The following KCNJ15 variants were observed in gnomAD, a reference collection of about 807,000 sequenced individuals.
The protein encoded by KCNJ15 is ATP-sensitive inward rectifier potassium channel 15.
Under a neutral mutation model 23.0 loss-of-function variants are expected in KCNJ15, and 14 were observed. That is an observed-to-expected ratio of 0.61 (90% CI 0.40 to 0.95). The LOEUF is 0.95. KCNJ15 is among the 40% of genes least tolerant of loss of function. KCNJ15 has a pLI of 0.00. For synonymous variants in KCNJ15, 185 were observed against 183.2 expected (o/e 1.01, Z -0.08); for missense variants, 388 against 461.8 (o/e 0.84, Z 1.46).
chr21:38,291,067 C>T (rs2836292), intron 1 of KCNJ15, among the ~76,000 whole-genome samples: 50,651 of 151,472 alleles, frequency 0.33, 10,984 homozygotes, highest in African/African-American at 0.62. Context: ...AACTGTAGGA[C>T]GTCTCAGAAA....
intron 1 of KCNJ15, among the ~76,000 whole-genome samples, chr21:38,296,137 A>T (rs901213218): frequency 6.6e-6 from 1 of 152,192 alleles, no homozygotes; most frequent in Non-Finnish European, 1.5e-5. Context: ...TAGGTAATAG[A>T]TCAATAATTG....
In KCNJ15 at chr21:38,299,456, C is replaced by G; in HGVS notation, c.195C>G (p.Tyr65Ter). 3 of 1,614,178 alleles carry G rather than the reference C, an allele frequency of 1.9e-6. No individual in the cohort carries two copies. The highest frequency in any genetic ancestry group is 2.5e-6 in the Non-Finnish European group (3 of 1,180,010). ...CAGTTATCGACATGAAGTGGAGATA[C>G]AAACTCACCCTGTTCGCTGCCACTT... Reference protein sequence around the residue: ...WTTVIDMKWRYKLTLFAATFV... With the variant: ...WTTVIDMKWR Residue 65 changes from tyrosine (Y) to a stop codon, truncating the protein, a stop_gained, in exon 3 of 3, where the codon TAC becomes TAG. Coordinates refer to ENST00000398938, the MANE Select transcript of KCNJ15 (RefSeq NM_170736.3). LOFTEE classifies it high-confidence loss of function. This position sits in a 1 kb window ranked among gnomAD's most constrained non-coding sequence, Gnocchi z 4.5.
At chr21:38,238,302 C>G (rs118010038) in intron 1 of KCNJ15, 7,731 of 711,262 alleles carry the variant, frequency 0.011, 145 homozygotes, top group East Asian at 0.041. Flanking sequence ...CACACACATA[C>G]GCAGTGGCCT....
Position 38,245,711 on chromosome 21 carries a change from AAG to A in KCNJ15, c.-398-11333_-398-11332del, listed in dbSNP as rs373904302. 2.9e-4 allele frequency among the ~76,000 whole-genome samples: 44 copies of A among 151,910 alleles called. No individual in the cohort carries two copies. The East Asian group carries it at 8.1e-3, about 28-fold the overall frequency. ...AAGAAAGAAAGAAGGAAAGGAAAGAAAGAAAGAGAGAGAAAGAGAAAGGAAGG... is the reference window on the plus strand; with the variant it reads ...AAGAAAGAAAGAAGGAAAGGAAAGAAAAAGAGAGAGAAAGAGAAAGGAAGG... On this transcript the variant is annotated intron_variant, in intron 1 of 4. Transcript: ENST00000547341.
intron 1 of KCNJ15, among the ~76,000 whole-genome samples, chr21:38,233,173 T>A (rs947975288): frequency 1.3e-5 from 2 of 152,048 alleles, no homozygotes; most frequent in African/African-American, 2.4e-5. Flanking sequence ...CTTTTTCTCA[T>A]AGATTGGCCC....
Position 38,238,037 on chromosome 21 carries a change from C to T in KCNJ15, c.-398-19009C>T, listed in dbSNP as rs1978733589. 4 of 231,402 alleles carry T rather than the reference C, an allele frequency of 1.7e-5. No homozygotes were observed. The South Asian group carries it at 1.8e-4, about 10-fold the overall frequency. The allele number at this position is 231,402 out of a possible 1,614,324, so 14.3% of individuals were successfully genotyped here. On this transcript the variant is annotated intron_variant, in intron 1 of 4. Transcript: ENST00000547341. ...TAGGCTGGAGACTGTAATTTTTTCC[C>T]CACCGTAGGATACTGTTAAGTTTAT...
At chr21:38,295,044 T>C (rs913059632) in intron 1 of KCNJ15, among the ~76,000 whole-genome samples, 25 of 152,212 alleles carry the variant, frequency 1.6e-4, no homozygotes, top group African/African-American at 6.0e-4. Flanking sequence ...AAATATTGCT[T>C]AGCTGGGAGG....
At chr21:38,276,927 A>G (rs1304650796) in intron 1 of KCNJ15, among the ~76,000 whole-genome samples, 2 of 152,076 alleles carry the variant, frequency 1.3e-5, no homozygotes, top group African/African-American at 2.4e-5. Flanking sequence ...AGATATTTCA[A>G]TATAATATCT....
At chr21:38,248,710 A>G (rs1054111674) in intron 1 of KCNJ15, among the ~76,000 whole-genome samples, 3 of 152,210 alleles carry the variant, frequency 2.0e-5, no homozygotes, top group African/African-American at 4.8e-5. Flanking sequence ...CTCCTGTATT[A>G]TAAGATGGCT....
intron 1 of KCNJ15, among the ~76,000 whole-genome samples, chr21:38,241,712 A>G (rs1464168669): frequency 6.6e-6 from 1 of 152,174 alleles, no homozygotes; most frequent in Non-Finnish European, 1.5e-5. Flanking sequence ...CATGCCTGTA[A>G]TCATAGCACT....
At chr21:38,262,915 T>G (rs1300721138) in intron 1 of KCNJ15, among the ~76,000 whole-genome samples, 1 of 152,158 alleles carries the variant, frequency 6.6e-6, no homozygotes, top group Admixed American at 6.5e-5. Flanking sequence ...TGACCTCAGG[T>G]GATCCTCCCA....
chr21:38,279,971 T>G (rs1983143441), intron 1 of KCNJ15, among the ~76,000 whole-genome samples: 2 of 152,270 alleles, frequency 1.3e-5, no homozygotes, highest in East Asian at 3.9e-4. Context: ...TGAAGATAGA[T>G]CCAAGGAAGA....
intron 1 of KCNJ15, among the ~76,000 whole-genome samples, chr21:38,282,491 C>G (rs77138254): frequency 0.017 from 2,513 of 152,214 alleles, 90 homozygotes; most frequent in African/African-American, 0.058. Flanking sequence ...GTGGCATATT[C>G]TTTGTGCTAC....
intron 1 of KCNJ15, among the ~76,000 whole-genome samples, chr21:38,284,523 A>G (rs1338970159): frequency 6.6e-6 from 1 of 152,200 alleles, no homozygotes; most frequent in Non-Finnish European, 1.5e-5. Context: ...TTCAACTCAG[A>G]TTACTGAAAG....
chr21:38,297,317 T>C (rs1235755191), intron 2 of KCNJ15, among the ~76,000 whole-genome samples: 1 of 152,134 alleles, frequency 6.6e-6, no homozygotes, highest in African/African-American at 2.4e-5. Context: ...TGCTGCCCCT[T>C]TGAAAGAGAG....
chr21:38,271,183 T>C (rs930273352), intron 1 of KCNJ15, among the ~76,000 whole-genome samples: 2 of 152,252 alleles, frequency 1.3e-5, no homozygotes, highest in Admixed American at 1.3e-4. Context: ...GTCTAGTCCG[T>C]CTCTCTGTGC....
intron 1 of KCNJ15, among the ~76,000 whole-genome samples, chr21:38,241,967 TA>T (rs34321677): frequency 0.076 from 8,513 of 111,892 alleles, 431 homozygotes; most frequent in African/African-American, 0.17. Context: ...AGACTCCATC[TA>T]AAAAAAAAAA....
At position 38,299,521 on chromosome 21, in the gene KCNJ15, C is replaced by T. The variant is rs775659318; in HGVS notation, c.260C>T (p.Ala87Val). Residue 87 changes from alanine (A) to valine (V), a missense_variant, in exon 3 of 3, where the codon GCC becomes GTC. By Grantham distance (64) the Ala-to-Val change is moderately conservative (BLOSUM62 0). Transcript: ENST00000398938. This position sits in a 1 kb window ranked among gnomAD's most constrained non-coding sequence, Gnocchi z 4.5. ...TWFLFGVIYY[A>V]IAFIHGDLEP... ...TTCCTTTTTGGAGTCATCTACTATG[C>T]CATCGCGTTTATTCATGGGGACTTA... 1.2e-6 allele frequency: 2 copies of T among 1,614,162 alleles called. No homozygotes were observed. Among genetic ancestry groups the T allele is most frequent in the Non-Finnish European group, 1.7e-6 (2 of 1,180,034 alleles).
chr21:38,298,467 G>C (rs954968564), intron 2 of KCNJ15, among the ~76,000 whole-genome samples: 11 of 152,154 alleles, frequency 7.2e-5, no homozygotes, highest in African/African-American at 2.4e-4. Context: ...CCAGCATATT[G>C]ATCAAGCCAT....
Sources: allele counts gnomAD v4.1 joint callset (sites outside exome capture counted in the v4.1 genomes callset), GRCh38; gene constraint gnomAD v4.1.1; non-coding constraint Gnocchi (gnomAD v3.1); transcripts MANE v1.5; gene names NCBI Gene and HGNC (gene_info 2026-07-23, HGNC 2026-07-21).